PDE4DIP: variants seen among roughly 807,000 people sequenced by gnomAD.
The protein encoded by PDE4DIP is phosphodiesterase 4D interacting protein, also known as myomegalin.
PDE4DIP carries 59 observed loss-of-function variants against 221.4 expected under a neutral mutation model. The observed-to-expected ratio is 0.27, with a 90% confidence interval of 0.22 to 0.33. PDE4DIP has a LOEUF of 0.33. PDE4DIP is among the 10% of genes least tolerant of loss of function. PDE4DIP has a pLI of 1.00. For missense variants in PDE4DIP, 1,036 were observed against 2,154.2 expected (o/e 0.48, Z 10.28); for synonymous variants, 404 against 815.9 (o/e 0.50, Z 8.60).
At chr1:149,002,454 T>C (rs1201809199) in intron 24 of PDE4DIP, among the ~76,000 whole-genome samples, 1 of 152,146 alleles carries the variant, frequency 6.6e-6, no homozygotes, top group African/African-American at 2.4e-5. Flanking sequence ...CACAGGTGTC[T>C]GTTCCTGGGC....
Position 148,940,602 on chromosome 1 carries a change from G to C in PDE4DIP, c.636+2738G>C, listed in dbSNP as rs587668490. Among the ~76,000 whole-genome samples, 69 of 152,166 alleles carry C rather than the reference G, an allele frequency of 4.5e-4. 1 individual carries two copies. Among genetic ancestry groups the C allele is most frequent in the African/African-American group, 1.5e-3 (63 of 41,508 alleles). On this transcript the variant is annotated intron_variant, in intron 5 of 43. Transcript: ENST00000369354. ...CCTCAGGACCCATGCACCACCCTGAGAGCTGAGGGGATCAGCATCTTTGCA... is the reference window on the plus strand; with the variant it reads ...CCTCAGGACCCATGCACCACCCTGACAGCTGAGGGGATCAGCATCTTTGCA...
chr1:148,902,839 C>T (rs1156892261), intron 1 of PDE4DIP, among the ~76,000 whole-genome samples: 1 of 111,282 alleles, frequency 9.0e-6, no homozygotes, highest in African/African-American at 4.2e-5. Flanking sequence ...CACGTTTTTG[C>T]AGTTGTGAAC....
At chr1:149,024,137 C>T (rs1230492422) in intron 37 of PDE4DIP, 4 of 218,936 alleles carry the variant, frequency 1.8e-5, no homozygotes, top group Admixed American at 1.1e-4. Context: ...CTTGGAGTAT[C>T]CTATACTTTA....
chr1:148,999,392 GA>G (rs1211011406), intron 23 of PDE4DIP, among the ~76,000 whole-genome samples: 1 of 152,122 alleles, frequency 6.6e-6, no homozygotes, highest in Non-Finnish European at 1.5e-5. Context: ...TTAGCACTTT[GA>G]AAAGGGCCCA....
chr1:149,003,120 C>T (rs112324074), intron 25 of PDE4DIP, 78 bp downstream of exon 28: 6 of 749,522 alleles, frequency 8.0e-6, no homozygotes, highest in African/African-American at 5.3e-5. Flanking sequence ...ACCGACATAA[C>T]GTGGTTATTG....
At chr1:148,911,862 G>C (rs1271463849) in intron 1 of PDE4DIP, among the ~76,000 whole-genome samples, 1 of 149,654 alleles carries the variant, frequency 6.7e-6, no homozygotes, top group Non-Finnish European at 1.5e-5. Context: ...TTCCCCATAT[G>C]GCCACTTCAA....
At chr1:148,881,771 A>C (rs1238137808) in intron 3 of PDE4DIP, among the ~76,000 whole-genome samples, 4 of 143,912 alleles carry the variant, frequency 2.8e-5, no homozygotes, top group Non-Finnish European at 4.4e-5. Context: ...ATGCGTATGC[A>C]GTATGGGGTC....
chr1:148,996,075 G>GT (rs1488583074), intron 22 of PDE4DIP, among the ~76,000 whole-genome samples: 1 of 152,036 alleles, frequency 6.6e-6, no homozygotes, highest in Non-Finnish European at 1.5e-5. Flanking sequence ...GTACCTTAAG[G>GT]TTTTTCTGGT....
intron 5 of PDE4DIP, chr1:148,953,073 G>A (rs587730362): frequency 1.2e-6 from 2 of 1,613,936 alleles, no homozygotes; most frequent in Non-Finnish European, 1.7e-6. Flanking sequence ...AGTATGTATC[G>A]GAAGAATAAC....
At chr1:149,029,683 G>C in intron 41 of PDE4DIP, 104 bp from the exon 45 acceptor site, 1 of 767,704 alleles carries the variant, frequency 1.3e-6, no homozygotes, top group Non-Finnish European at 2.2e-6. Flanking sequence ...GTTCAAGAGA[G>C]TTGAGAAGAC....
At chr1:148,962,228 A>G (rs782734144) in exon 8 of PDE4DIP, 3 of 1,002,116 alleles carry the variant, frequency 3.0e-6, no homozygotes, top group East Asian at 4.9e-5. Context: ...TTGAAGGTCA[A>G]AATGACACAA....
At chr1:148,917,326 A>G (rs1414014508) in intron 1 of PDE4DIP, among the ~76,000 whole-genome samples, 142 of 145,908 alleles carry the variant, frequency 9.7e-4, no homozygotes, top group African/African-American at 3.4e-3. Context: ...CTCTGTGCTC[A>G]GAGTCTAAAT....
At chr1:148,934,747 G>A (rs1397257324) in intron 4 of PDE4DIP, among the ~76,000 whole-genome samples, 1 of 151,896 alleles carries the variant, frequency 6.6e-6, no homozygotes, top group African/African-American at 2.4e-5. Context: ...GGGATTACAG[G>A]CGTGCACCAC....
intron 1 of PDE4DIP, among the ~76,000 whole-genome samples, chr1:148,924,245 A>G (rs1356458381): frequency 1.3e-5 from 2 of 152,120 alleles, no homozygotes; most frequent in Non-Finnish European, 2.9e-5. Context: ...GCATTTAACC[A>G]TGAAGCTGAA....
intron 22 of PDE4DIP, 94 bp from the exon 26 acceptor site, chr1:148,998,049 T>G: frequency 1.4e-6 from 1 of 726,848 alleles, no homozygotes; most frequent in Non-Finnish European, 2.3e-6. Flanking sequence ...TTTTTGTTTG[T>G]TTTTGTTCTC....
intron 14 of PDE4DIP, among the ~76,000 whole-genome samples, chr1:148,971,419 G>C (rs2151981778): frequency 6.7e-6 from 1 of 148,712 alleles, no homozygotes; most frequent in Non-Finnish European, 1.5e-5. Flanking sequence ...ATAGAGAAGA[G>C]ATTGCTGGGT....
chr1:149,009,517 G>T (rs1553602677), intron 29 of PDE4DIP, 51 bp from the exon 33 acceptor site: 2 of 1,257,794 alleles, frequency 1.6e-6, no homozygotes, highest in Admixed American at 1.9e-5. Context: ...GTCAGGACAG[G>T]TTGGCTTCGG....
chr1:148,981,521 G>A, intron 21 of PDE4DIP, 124 bp downstream of exon 24: 2 of 1,253,938 alleles, frequency 1.6e-6, no homozygotes, highest in South Asian at 1.2e-5. Context: ...TCTGATTTTG[G>A]CAGAATTAAA....
exon 23 of PDE4DIP, chr1:148,998,323 G>A: frequency 6.2e-7 from 1 of 1,610,822 alleles, no homozygotes; most frequent in Non-Finnish European, 8.5e-7. Context: ...GGAACTGAAG[G>A]AGCTAAAGGC....
Sources: allele counts gnomAD v4.1 joint callset (sites outside exome capture counted in the v4.1 genomes callset), GRCh38; gene constraint gnomAD v4.1.1; transcripts MANE v1.5; gene names NCBI Gene and HGNC (gene_info 2026-07-23, HGNC 2026-07-21).